The following NDUFAF2 variants were observed in gnomAD, a reference collection of about 807,000 sequenced individuals.
NDUFAF2 encodes the protein NADH dehydrogenase [ubiquinone] 1 alpha subcomplex assembly factor 2.
NDUFAF2 carries 13 observed loss-of-function variants against 22.8 expected under a neutral mutation model. The observed-to-expected ratio is 0.57, with a 90% confidence interval of 0.37 to 0.91. The LOEUF (loss-of-function observed/expected upper bound fraction) is 0.91. Ranked by LOEUF, NDUFAF2 falls within the 40% of genes least tolerant of loss-of-function variation. The pLI, the probability that NDUFAF2 is intolerant of heterozygous loss-of-function variation, is 0.01. For missense variants in NDUFAF2, 162 were observed against 195.2 expected (o/e 0.83, Z 1.01); for synonymous variants, 53 against 64.2 (o/e 0.83, Z 0.84).
chr5:61,035,091 G>C (rs1400516634), intron 1 of NDUFAF2, among the ~76,000 whole-genome samples: 1 of 148,924 alleles, frequency 6.7e-6, no homozygotes, highest in African/African-American at 2.5e-5. Context: ...TTTTGAGACA[G>C]AGTCTCACTC....
At chr5:61,091,062 C>T (rs1447792602) in intron 2 of NDUFAF2, among the ~76,000 whole-genome samples, 1 of 152,076 alleles carries the variant, frequency 6.6e-6, no homozygotes, top group Non-Finnish European at 1.5e-5. Context: ...GTATATTTAC[C>T]ACATTTTCTT....
rs1406825140 is a variant in NDUFAF2, at chr5:61,000,058, G to GA, written c.127+54682dup. On this transcript the variant is annotated intron_variant, in intron 1 of 3. Transcript: ENST00000296597. ...AGTTTTAGAAGACCATATGATAAAA[G>GA]AAAAAATTAAACTTGTTATCATTGA... Among the ~76,000 whole-genome samples the GA allele has an allele frequency of 6.6e-5, 10 of 151,944 alleles. No individual in the cohort carries two copies. In the East Asian group the frequency reaches 1.7e-3, roughly 26 times the overall value.
intron 2 of NDUFAF2, among the ~76,000 whole-genome samples, chr5:61,074,139 G>A (rs1447775490): frequency 6.6e-6 from 1 of 152,162 alleles, no homozygotes; most frequent in African/African-American, 2.4e-5. Flanking sequence ...GCACCTAGTA[G>A]GTAGTTAATC....
At chr5:61,003,757 TCTTC>T (rs1286683117) in intron 1 of NDUFAF2, among the ~76,000 whole-genome samples, 1 of 151,676 alleles carries the variant, frequency 6.6e-6, no homozygotes, top group Non-Finnish European at 1.5e-5. Context: ...CTCAAGTGAT[TCTTC>T]CTTCTCCCAT....
At chr5:61,120,700 A>G (rs1214986583) in intron 3 of NDUFAF2, among the ~76,000 whole-genome samples, 1 of 150,270 alleles carries the variant, frequency 6.7e-6, no homozygotes, top group Non-Finnish European at 1.5e-5. Context: ...GCATATTAAA[A>G]GTATACAGAA....
At chr5:61,049,727 T>C (rs1035388724) in intron 1 of NDUFAF2, among the ~76,000 whole-genome samples, 1 of 152,128 alleles carries the variant, frequency 6.6e-6, no homozygotes, top group Non-Finnish European at 1.5e-5. Context: ...CATAATGTCC[T>C]CAGGTTCATC....
intron 1 of NDUFAF2, among the ~76,000 whole-genome samples, chr5:60,963,664 C>A (rs532423102): frequency 6.6e-6 from 1 of 152,258 alleles, no homozygotes; most frequent in Admixed American, 6.5e-5. Flanking sequence ...TATTAATAAG[C>A]AGAATACTGA....
intron 3 of NDUFAF2, among the ~76,000 whole-genome samples, chr5:61,120,657 C>T (rs563548884): frequency 6.6e-6 from 1 of 152,178 alleles, no homozygotes; most frequent in African/African-American, 2.4e-5. Context: ...CTCCTGCTCA[C>T]GTTCTTTTAA....
intron 1 of NDUFAF2, among the ~76,000 whole-genome samples, chr5:60,968,973 C>G (rs1314650940): frequency 6.6e-6 from 1 of 152,068 alleles, no homozygotes; most frequent in African/African-American, 2.4e-5. Flanking sequence ...ATTTGTCTTT[C>G]TGTGCTGGGC....
intron 1 of NDUFAF2, among the ~76,000 whole-genome samples, chr5:61,049,854 TTATA>T: frequency 1.4e-5 from 2 of 147,336 alleles, no homozygotes. Flanking sequence ...ACAATGAAAA[TTATA>T]TATACACAAA....
intron 1 of NDUFAF2, among the ~76,000 whole-genome samples, chr5:61,046,720 A>G (rs948971005): frequency 5.9e-5 from 9 of 152,180 alleles, no homozygotes; most frequent in Non-Finnish European, 1.3e-4. Context: ...TTTAAAGACC[A>G]AAGTAAAGTA....
intron 1 of NDUFAF2, among the ~76,000 whole-genome samples, chr5:61,020,634 C>T (rs1751569264): frequency 6.6e-6 from 1 of 151,906 alleles, no homozygotes; most frequent in African/African-American, 2.4e-5. Flanking sequence ...CCTGGCAGGC[C>T]TCCAACTCCA....
chr5:61,130,256 G>A (rs1753092397), intron 3 of NDUFAF2, among the ~76,000 whole-genome samples: 1 of 152,052 alleles, frequency 6.6e-6, no homozygotes, highest in Non-Finnish European at 1.5e-5. Flanking sequence ...GTTATGAATT[G>A]CCATCCCAGA....
chr5:61,038,967 A>G (rs755497141), intron 1 of NDUFAF2, among the ~76,000 whole-genome samples: 1 of 152,068 alleles, frequency 6.6e-6, no homozygotes, highest in Non-Finnish European at 1.5e-5. Flanking sequence ...ACAAAGTACA[A>G]TGTGATACTT....
intron 1 of NDUFAF2, among the ~76,000 whole-genome samples, chr5:60,985,186 G>T (rs769915517): frequency 6.6e-6 from 1 of 152,184 alleles, no homozygotes; most frequent in Non-Finnish European, 1.5e-5. Flanking sequence ...TTTCGTAGAG[G>T]TGTTTATAGT....
intron 1 of NDUFAF2, among the ~76,000 whole-genome samples, chr5:60,980,252 G>A (rs1263844831): frequency 6.6e-6 from 1 of 152,098 alleles, no homozygotes; most frequent in Non-Finnish European, 1.5e-5. Flanking sequence ...AGGCAGCAGC[G>A]AATATCCATA....
chr5:60,969,170 A>T (rs948319534), intron 1 of NDUFAF2, among the ~76,000 whole-genome samples: 3 of 152,076 alleles, frequency 2.0e-5, no homozygotes, highest in African/African-American at 7.2e-5. Context: ...ACTACAGTAA[A>T]CATGGGAGTG....
rs1750904220 is a variant in NDUFAF2, at chr5:60,976,459, A to G, written c.127+31077A>G. Among the ~76,000 whole-genome samples the G allele has an allele frequency of 2.0e-5, 3 of 152,122 alleles. No individual in the cohort carries two copies. The South Asian group carries it at 6.2e-4, about 31-fold the overall frequency. On this transcript the variant is annotated intron_variant, in intron 1 of 3. Transcript: ENST00000296597. ...CTTTCTGTCCTCCGCACTTATGTTG[A>G]TCCTTAACATATAGCTGATATTTTG...
intron 1 of NDUFAF2, among the ~76,000 whole-genome samples, chr5:61,040,286 A>ACACACACGCGCGCGCGCGCGCGCGCG (rs1491193758): frequency 1.1e-5 from 1 of 93,074 alleles, no homozygotes; most frequent in African/African-American, 4.3e-5. Flanking sequence ...ACACACACAC[A>ACACACACGCGCGCGCGCGCGCGCGCG]CGCGCGCGCG....
Sources: gnomAD v4.1 joint callset for allele counts (sites outside exome capture counted in the v4.1 genomes callset) on GRCh38, gnomAD v4.1.1 for gene constraint, MANE v1.5 for transcripts, NCBI Gene and HGNC (gene_info 2026-07-23, HGNC 2026-07-21) for gene names.